The following CSMD1 variants were observed in gnomAD, a reference collection of about 807,000 sequenced individuals.
CSMD1 encodes CUB and Sushi multiple domains 1, also known as CUB and sushi domain-containing protein 1.
In CSMD1, 213 loss-of-function variants were observed where a neutral mutation model predicts 417.5. That is an observed-to-expected ratio of 0.51 (90% CI 0.46 to 0.57). CSMD1 has a LOEUF of 0.57. Among genes scored for constraint, CSMD1 ranks in the 20% least tolerant of loss-of-function variants. The pLI, the probability that CSMD1 is intolerant of heterozygous loss-of-function variation, is 0.00. For missense variants in CSMD1, 6,923 were observed against 4,529.7 expected (o/e 1.53, Z -15.17); for synonymous variants, 2,862 against 1,736.8 (o/e 1.65, Z -16.11).
rs5889027 is a variant in CSMD1 at position 4,212,751 on chromosome 8, CT to C, written c.416-180653del. ...AAAAGTTTACAACAGCGGCCTTATTCTTTTTTTTTTTTTTTTTTTTTTTTTA... is the reference window on the plus strand; with the variant it reads ...AAAAGTTTACAACAGCGGCCTTATTCTTTTTTTTTTTTTTTTTTTTTTTTA... On this transcript the variant is annotated intron_variant, in intron 3 of 69. Coordinates refer to ENST00000635120, the MANE Select transcript of CSMD1 (RefSeq NM_033225.6). Among the ~76,000 whole-genome samples, 387 of 99,208 alleles carry C rather than the reference CT, an allele frequency of 3.9e-3. 1 individual carries two copies. The highest frequency in any genetic ancestry group is 7.1e-3 in the African/African-American group (166 of 23,454). The allele number at this position is 99,208 out of a possible 152,430, so 65.1% of individuals were successfully genotyped here. A position where few individuals can be genotyped will look rare whatever the true frequency, so the allele number is the denominator to read the frequency against.
At chr8:4,129,151 T>C (rs1802943525) in intron 3 of CSMD1, among the ~76,000 whole-genome samples, 1 of 151,834 alleles carries the variant, frequency 6.6e-6, no homozygotes, top group African/African-American at 2.4e-5. Context: ...TCTGTACTTA[T>C]CACCAACACA....
chr8:3,938,336 T>C (rs1043166417), intron 5 of CSMD1, among the ~76,000 whole-genome samples: 4 of 152,156 alleles, frequency 2.6e-5, no homozygotes, highest in South Asian at 2.1e-4. Flanking sequence ...GAAAAAAGCA[T>C]ATAATACAAC....
chr8:3,424,773 C>A (rs892069639), intron 12 of CSMD1, among the ~76,000 whole-genome samples: 8 of 152,114 alleles, frequency 5.3e-5, no homozygotes, highest in African/African-American at 1.9e-4. Flanking sequence ...TTCAAGGAAC[C>A]CTTATTTGAC....
At chr8:4,232,693 T>C (rs1327799751) in intron 3 of CSMD1, among the ~76,000 whole-genome samples, 1 of 152,148 alleles carries the variant, frequency 6.6e-6, no homozygotes, top group Non-Finnish European at 1.5e-5. Flanking sequence ...GAAGGAGACA[T>C]TTTATAAAAG....
intron 8 of CSMD1, among the ~76,000 whole-genome samples, chr8:3,596,892 C>A (rs1801121006): frequency 6.6e-6 from 1 of 152,214 alleles, no homozygotes. Flanking sequence ...CAGAAGTTGG[C>A]ACAATGCAAG....
intron 25 of CSMD1, among the ~76,000 whole-genome samples, chr8:3,304,694 C>CG (rs1197411081): frequency 3.1e-4 from 46 of 150,418 alleles, no homozygotes; most frequent in Admixed American, 9.4e-4. Context: ...GCAATAAAAA[C>CG]TGCACGTTTT....
At chr8:4,232,195 T>C (rs1305121860) in intron 3 of CSMD1, among the ~76,000 whole-genome samples, 1 of 152,186 alleles carries the variant, frequency 6.6e-6, no homozygotes, top group Admixed American at 6.5e-5. Context: ...CCTTTATTTA[T>C]TTGTTTTTAT....
intron 2 of CSMD1, among the ~76,000 whole-genome samples, chr8:4,533,582 C>G (rs1268829103): frequency 6.6e-6 from 1 of 151,886 alleles, no homozygotes; most frequent in Non-Finnish European, 1.5e-5. Context: ...AATTATTAAC[C>G]AATCCGAGAA....
chr8:4,657,642 A>G (rs1171667045), intron 1 of CSMD1, among the ~76,000 whole-genome samples: 3 of 152,040 alleles, frequency 2.0e-5, no homozygotes, highest in Admixed American at 1.3e-4. Context: ...TTACCAATGT[A>G]TAATAGTAAA....
intron 2 of CSMD1, among the ~76,000 whole-genome samples, chr8:4,442,293 AG>A (rs1428991337): frequency 6.6e-6 from 1 of 152,182 alleles, no homozygotes; most frequent in African/African-American, 2.4e-5. Flanking sequence ...AATTATTAAA[AG>A]TTAGAAAAGA....
At chr8:4,613,292 A>C (rs772356103) in intron 2 of CSMD1, among the ~76,000 whole-genome samples, 4 of 152,210 alleles carry the variant, frequency 2.6e-5, no homozygotes, top group Non-Finnish European at 5.9e-5. Context: ...CCATGCTCCG[A>C]GTGCCCATTG....
intron 23 of CSMD1, among the ~76,000 whole-genome samples, chr8:3,333,186 C>A (rs56336544): frequency 0.039 from 6,006 of 152,228 alleles, 194 homozygotes; most frequent in East Asian, 0.16. Flanking sequence ...CAGATGAGAC[C>A]ACAGCCCAGC....
At chr8:4,373,180 C>G (rs2128914065) in intron 3 of CSMD1, among the ~76,000 whole-genome samples, 1 of 152,324 alleles carries the variant, frequency 6.6e-6, no homozygotes, top group Middle Eastern at 3.4e-3. Flanking sequence ...TTGACCGGTG[C>G]TGCTCCAAAC....
rs372107940 is a variant in CSMD1, at chr8:3,029,474, T to C, written c.7700A>G (p.His2567Arg). 12 of 1,605,808 alleles carry C rather than the reference T, an allele frequency of 7.5e-6. No homozygotes were observed. Among genetic ancestry groups the C allele is most frequent in the East Asian group, 2.2e-5 (1 of 44,680 alleles). The change falls in exon 51 of 70, where the codon CAT becomes CGT. Residue 2567 changes from histidine (H) to arginine (R), a missense_variant. Transcript: ENST00000635120. The part of the protein sequence containing the change: ...CPSIEAQLSE[H>R]VIWRLVSGSL... ...TCCTGAAACCAGCCTCCAGATGACA[T>C]GTTCTGAGAGCTGAGCTTCAATGCT...
intron 1 of CSMD1, among the ~76,000 whole-genome samples, chr8:4,690,073 G>A (rs1460905677): frequency 6.6e-6 from 1 of 152,156 alleles, no homozygotes; most frequent in Non-Finnish European, 1.5e-5. Flanking sequence ...ATACGGAGAA[G>A]AGTTACAAAG....
At chr8:4,163,219 G>C (rs116078926) in intron 3 of CSMD1, among the ~76,000 whole-genome samples, 5 of 152,224 alleles carry the variant, frequency 3.3e-5, no homozygotes, top group Middle Eastern at 3.4e-3. Context: ...TTCAGTACAC[G>C]TAAGTTTTTA....
At chr8:3,006,981 C>T (rs1266872612) in intron 52 of CSMD1, among the ~76,000 whole-genome samples, 15 of 141,380 alleles carry the variant, frequency 1.1e-4, no homozygotes, top group South Asian at 4.2e-4. Context: ...TCAGAGTGAA[C>T]GGGCAACCTA....
chr8:3,006,712 C>A (rs1436577153), intron 52 of CSMD1, among the ~76,000 whole-genome samples: 1 of 151,516 alleles, frequency 6.6e-6, no homozygotes, highest in East Asian at 1.9e-4. Flanking sequence ...GGAAAACTGG[C>A]TAGCCATATG....
chr8:4,626,713 A>T (rs529332539), intron 2 of CSMD1, among the ~76,000 whole-genome samples: 2 of 152,148 alleles, frequency 1.3e-5, no homozygotes, highest in South Asian at 4.1e-4. Flanking sequence ...CCCCATCCTG[A>T]CCTACCCTTC....
Sources: allele counts gnomAD v4.1 joint callset (sites outside exome capture counted in the v4.1 genomes callset), GRCh38; gene constraint gnomAD v4.1.1; transcripts MANE v1.5; gene names NCBI Gene and HGNC (gene_info 2026-07-23, HGNC 2026-07-21).